The following CNTN2 variants were observed in gnomAD, a reference collection of about 807,000 sequenced individuals.
The protein encoded by CNTN2 is contactin 2, also known as contactin-2.
CNTN2 carries 53 observed loss-of-function variants against 117.5 expected under a neutral mutation model. The ratio of observed to expected loss-of-function variants is 0.45; its 90% CI spans 0.36 to 0.57. The LOEUF is 0.57. CNTN2 is among the 20% of genes least tolerant of loss of function. CNTN2 has a pLI of 0.00. For synonymous variants in CNTN2, 530 were observed against 561.7 expected, an observed-to-expected ratio of 0.94 and a Z score of 0.80; for missense variants, 1,106 against 1,404.3, an observed-to-expected ratio of 0.79 and a Z score of 3.39.
In CNTN2 at chr1:205,076,717, T is replaced by C. The variant is rs1015291403; in HGVS notation, c.*2952T>C. ...TTTGGGCTCCCCTTACAGAGCCCTT[T>C]GCCCTGGCTCTCTGGTCCTTGTTGC... On this transcript the variant is annotated 3_prime_UTR_variant, in exon 23 of 23. Coordinates refer to ENST00000331830, the MANE Select transcript of CNTN2 (RefSeq NM_005076.5). The C allele has an allele frequency of 6.6e-6, 1 of 152,234 alleles. No individual in the cohort carries two copies. Among genetic ancestry groups the C allele is most frequent in the Admixed American group, 6.5e-5 (1 of 15,286 alleles). The allele number at this position is 152,234 out of a possible 1,614,324, so 9.4% of individuals were successfully genotyped here. A position where few individuals can be genotyped will look rare whatever the true frequency, so the allele number is the denominator to read the frequency against.
At position 205,073,535 on chromosome 1, in the gene CNTN2, C is replaced by A; in HGVS notation, c.3014-121C>A. On this transcript the variant is annotated intron_variant, in intron 22 of 22. Transcript: ENST00000331830. This position sits in a 1 kb window ranked among gnomAD's most constrained non-coding sequence, Gnocchi z 6.3. ...GAGTCGGACTGAGAAGACCACCCAG[C>A]CGTCCGCTCCCAGGCCTGCAGCTGG... 2.2e-6 allele frequency: 2 copies of A among 891,894 alleles called. No homozygotes were observed. Among genetic ancestry groups the A allele is most frequent in the East Asian group, 2.6e-5 (1 of 37,854 alleles). The allele number at this position is 891,894 out of a possible 1,614,324, so 55.2% of individuals were successfully genotyped here.
intron 1 of CNTN2, among the ~76,000 whole-genome samples, chr1:205,046,932 C>G (rs1456127163): frequency 2.6e-5 from 4 of 152,164 alleles, no homozygotes; most frequent in Non-Finnish European, 4.4e-5. Context: ...TAAAGGGTCT[C>G]TCTGTTAGAG....
At position 205,053,122 on chromosome 1, in the gene CNTN2, G is replaced by A; in HGVS notation, c.-64G>A. ...CAGGTCCTTTCTCAGCCTCCAGCTG[G>A]GCTGTCCCCAAGCTGAGCTGAGGCT... is the stretch of plus-strand genomic sequence containing the variant. On this transcript the variant is annotated 5_prime_UTR_variant, in exon 2 of 23. Transcript: ENST00000331830. 6 of 1,321,686 alleles carry A rather than the reference G, an allele frequency of 4.5e-6. No homozygotes were observed. In the South Asian group the frequency reaches 8.6e-5, roughly 19 times the overall value. The allele number at this position is 1,321,686 out of a possible 1,614,324, so 81.9% of individuals were successfully genotyped here. A position where few individuals can be genotyped will look rare whatever the true frequency, so the allele number is the denominator to read the frequency against.
intron 16 of CNTN2, 132 bp downstream of exon 16, chr1:205,067,382 AGAG>A (rs1415627172): frequency 1.8e-6 from 2 of 1,099,434 alleles, no homozygotes; most frequent in Admixed American, 6.1e-5. Flanking sequence ...CTCACAAAAC[AGAG>A]GAGGACAGAA....
Position 205,067,181 on chromosome 1 carries a change from A to T in CNTN2, c.2056A>T (p.Ile686Leu), listed in dbSNP as rs1418307940. 1 of 1,614,068 alleles carries T rather than the reference A, an allele frequency of 6.2e-7. No individual in the cohort carries two copies. Among genetic ancestry groups the T allele is most frequent in the African/African-American group, 1.3e-5 (1 of 74,928 alleles). The change falls in exon 16 of 23, where the codon ATA (isoleucine) becomes TTA (leucine). Residue 686 changes from isoleucine (I) to leucine (L), a missense_variant. Physicochemically the swap from Ile to Leu is conservative, Grantham distance 5. Coordinates refer to ENST00000331830, the MANE Select transcript of CNTN2 (RefSeq NM_005076.5). ...TPWMDYEFRV[I>L]ASNILGTGEP... ...CTGGATGGACTATGAGTTCCGGGTC[A>T]TAGCCAGCAACATTCTGGGCACTGG...
Position 205,045,603 on chromosome 1 carries a change from G to A in CNTN2, c.-87+2209G>A, listed in dbSNP as rs549021147. Among the ~76,000 whole-genome samples, 5 of 152,288 alleles carry A rather than the reference G, an allele frequency of 3.3e-5. No individual in the cohort carries two copies. The East Asian group carries it at 5.8e-4, about 18-fold the overall frequency. On this transcript the variant is annotated intron_variant, in intron 1 of 22. Coordinates refer to ENST00000331830, the MANE Select transcript of CNTN2 (RefSeq NM_005076.5). ...TTGAGCCAAACGTTGGTGAGAAAGC[G>A]TATTTCAAAGACAATCTCTAAGCCT... is the stretch of plus-strand genomic sequence containing the variant.
At position 205,061,019 on chromosome 1, in the gene CNTN2, A is replaced by AG. The variant is rs1219527041; in HGVS notation, c.798-220dup. 3 of 511,676 alleles carry AG rather than the reference A, an allele frequency of 5.9e-6. No homozygotes were observed. The highest frequency in any genetic ancestry group is 1.0e-5 in the Non-Finnish European group (3 of 289,478). 31.7% of individuals were successfully genotyped at this position (511,676 alleles called of 1,614,324 possible). ...GCTTCACTGGCTCCAGGGTTGTTGCAGGGGGGATGGGTAGAGCAGCCCTGC... is the reference window on the plus strand; with the variant it reads ...GCTTCACTGGCTCCAGGGTTGTTGCAGGGGGGGATGGGTAGAGCAGCCCTGC... On this transcript the variant is annotated intron_variant, in intron 7 of 22. Transcript: ENST00000331830. The surrounding 1 kb of genome is among the most constrained non-coding windows in gnomAD (Gnocchi z 4.8).
rs1245826002 is a variant in CNTN2 at position 205,075,680 on chromosome 1, C to T, written c.*1915C>T. Reference sequence around the variant, plus strand: ...CCTTTTCCCTGCCACAGCCAAACCCCCACTGCACCCTACCCACCCACCCCT... The same window carrying T: ...CCTTTTCCCTGCCACAGCCAAACCCTCACTGCACCCTACCCACCCACCCCT... On this transcript the variant is annotated 3_prime_UTR_variant, in exon 23 of 23. Coordinates refer to ENST00000331830, the MANE Select transcript of CNTN2 (RefSeq NM_005076.5). 6.6e-6 allele frequency: 1 copy of T among 152,274 alleles called. No individual in the cohort carries two copies. The highest frequency in any genetic ancestry group is 2.4e-5 in the African/African-American group (1 of 41,416). The allele number at this position is 152,274 out of a possible 1,614,324, so 9.4% of individuals were successfully genotyped here.
At position 205,069,923 on chromosome 1, in the gene CNTN2, G is replaced by A; in HGVS notation, c.2293G>A (p.Gly765Ser). The A allele has an allele frequency of 6.2e-7, 1 of 1,613,794 alleles. No individual in the cohort carries two copies. The highest frequency in any genetic ancestry group is 8.5e-7 in the Non-Finnish European group (1 of 1,180,022). The change falls in exon 18 of 23, where the codon GGC (glycine) becomes AGC (serine). Residue 765 changes from glycine (G) to serine (S), a missense_variant. Physicochemically the swap from Gly to Ser is moderately conservative, Grantham distance 56. Transcript: ENST00000331830. ...STHWQTARVPGADAQYFVYSN... is the reference protein window; with the variant it reads ...STHWQTARVPSADAQYFVYSN... ...TCACTGGCAGACCGCCCGGGTGCCTGGCGCCGATGCCCAGTACTTTGTCTA... is the reference window on the plus strand; with the variant it reads ...TCACTGGCAGACCGCCCGGGTGCCTAGCGCCGATGCCCAGTACTTTGTCTA...
chr1:205,057,898 T>C (rs752276135), intron 2 of CNTN2, 23 bp from the exon 3 acceptor site: 2 of 1,609,556 alleles, frequency 1.2e-6, no homozygotes, highest in African/African-American at 2.7e-5. Context: ...CTCTGAGGCA[T>C]CTGGTGGTGT....
intron 2 of CNTN2, among the ~76,000 whole-genome samples, chr1:205,053,810 G>A (rs1031305752): frequency 2.0e-5 from 3 of 152,224 alleles, no homozygotes; most frequent in Admixed American, 6.5e-5. Context: ...AACCCTGGAA[G>A]GGTTTCTTAA....
At chr1:205,054,860 T>G (rs1190500639) in intron 2 of CNTN2, among the ~76,000 whole-genome samples, 2 of 152,066 alleles carry the variant, frequency 1.3e-5, no homozygotes, top group Non-Finnish European at 2.9e-5. Flanking sequence ...TCTCTTTAAC[T>G]CCGTTCCTCT....
Position 205,072,486 on chromosome 1 carries a change from C to T in CNTN2, c.2735C>T (p.Pro912Leu), listed in dbSNP as rs777653447. The T allele has an allele frequency of 2.5e-6, 4 of 1,613,922 alleles. No homozygotes were observed. The South Asian group carries it at 3.3e-5, about 13-fold the overall frequency. Reference protein sequence around the residue: ...SANATTMKPPPRRPPGNISWT... With the variant: ...SANATTMKPPLRRPPGNISWT... ...TCCAATTCTTCCTCTCTGGCAGCTC[C>T]GCGGCGACCTCCTGGCAACATCTCC... The change falls in exon 21 of 23, where the codon CCG (proline) becomes CTG (leucine). Residue 912 changes from proline (P) to leucine (L), a missense_variant. Coordinates refer to ENST00000331830, the MANE Select transcript of CNTN2 (RefSeq NM_005076.5).
At chr1:205,049,705 C>T (rs2096448995) in intron 1 of CNTN2, among the ~76,000 whole-genome samples, 3 of 152,228 alleles carry the variant, frequency 2.0e-5, no homozygotes, top group Admixed American at 6.5e-5. Flanking sequence ...TGGCAAAGAG[C>T]AAGGAGCAAA....
At position 205,070,148 on chromosome 1, in the gene CNTN2, A is replaced by T. The variant is rs1241055529; in HGVS notation, c.2431+87A>T. 5 of 1,330,822 alleles carry T rather than the reference A, an allele frequency of 3.8e-6. No individual in the cohort carries two copies. The African/African-American group carries it at 7.3e-5, about 19-fold the overall frequency. 82.4% of individuals were successfully genotyped at this position (1,330,822 alleles called of 1,614,324 possible). A position where few individuals can be genotyped will look rare whatever the true frequency, so the allele number is the denominator to read the frequency against. On this transcript the variant is annotated intron_variant, in intron 18 of 22. Transcript: ENST00000331830. Reference sequence around the variant, plus strand: ...GGTGGGGGAACGCTACTCATCTCCCAGCTCAGTTCCATAGGAGGAGGTTGA... The same window carrying T: ...GGTGGGGGAACGCTACTCATCTCCCTGCTCAGTTCCATAGGAGGAGGTTGA...
Position 205,045,415 on chromosome 1 carries a change from G to A in CNTN2, c.-87+2021G>A, listed in dbSNP as rs575928410. On this transcript the variant is annotated intron_variant, in intron 1 of 22. Transcript: ENST00000331830. ...GGGCCTCCGAGGAATTGTGCTTAAC[G>A]GGGTGATTGCACATCTCGTCTCTGG... Among the ~76,000 whole-genome samples, 7 of 152,258 alleles carry A rather than the reference G, an allele frequency of 4.6e-5. No individual in the cohort carries two copies. The South Asian group carries it at 1.0e-3, about 23-fold the overall frequency.
At chr1:205,068,645 A>G (rs975005421) in intron 16 of CNTN2, 1 of 152,228 alleles carries the variant, frequency 6.6e-6, no homozygotes, top group African/African-American at 2.4e-5. Flanking sequence ...CCATGTATTA[A>G]CTGTGTGACC....
intron 1 of CNTN2, among the ~76,000 whole-genome samples, chr1:205,047,952 A>G (rs2096444600): frequency 6.6e-6 from 1 of 152,128 alleles, no homozygotes; most frequent in African/African-American, 2.4e-5. Context: ...AGGTTATACT[A>G]GTTAGTTTTA....
rs1267940746 is a variant in CNTN2 at position 205,073,554 on chromosome 1, C to A, written c.3014-102C>A. Reference sequence around the variant, plus strand: ...ACCCAGCCGTCCGCTCCCAGGCCTGCAGCTGGCCCTGTGAGTCTCCTTAGG... The same window carrying A: ...ACCCAGCCGTCCGCTCCCAGGCCTGAAGCTGGCCCTGTGAGTCTCCTTAGG... On this transcript the variant is annotated intron_variant, in intron 22 of 22. Coordinates refer to ENST00000331830, the MANE Select transcript of CNTN2 (RefSeq NM_005076.5). This position sits in a 1 kb window ranked among gnomAD's most constrained non-coding sequence, Gnocchi z 6.3. 3.8e-6 allele frequency: 4 copies of A among 1,052,996 alleles called. No individual in the cohort carries two copies. The African/African-American group carries it at 4.7e-5, about 12-fold the overall frequency. 65.2% of individuals were successfully genotyped at this position (1,052,996 alleles called of 1,614,324 possible).
Sources: allele counts gnomAD v4.1 joint callset (sites outside exome capture counted in the v4.1 genomes callset), GRCh38; gene constraint gnomAD v4.1.1; non-coding constraint Gnocchi (gnomAD v3.1); transcripts MANE v1.5; gene names NCBI Gene and HGNC (gene_info 2026-07-23, HGNC 2026-07-21).